The following GALNT14 variants were observed in gnomAD, a reference collection of about 807,000 sequenced individuals.
GALNT14 encodes the protein polypeptide N-acetylgalactosaminyltransferase 14.
In GALNT14, 60 loss-of-function variants were observed where a neutral mutation model predicts 77.5. The observed-to-expected ratio is 0.77, with a 90% CI of 0.63 to 0.96. GALNT14 has a LOEUF of 0.96. Among genes scored for constraint, GALNT14 ranks in the 40% least tolerant of loss-of-function variants. GALNT14 has a pLI of 0.00. For synonymous variants in GALNT14, 280 were observed against 281.7 expected (o/e 0.99, Z 0.06); for missense variants, 710 against 731.0 (o/e 0.97, Z 0.33).
At chr2:30,941,268 G>A (rs1666362850) in intron 9 of GALNT14, among the ~76,000 whole-genome samples, 2 of 152,130 alleles carry the variant, frequency 1.3e-5, no homozygotes, top group South Asian at 2.1e-4. Flanking sequence ...GTTACAGAGG[G>A]CCTCCTACCT....
At position 30,985,959 on chromosome 2, in the gene GALNT14, C is replaced by T. The variant is rs76446625; in HGVS notation, c.299+6879G>A. Among the ~76,000 whole-genome samples the T allele has an allele frequency of 5.1e-3, 771 of 152,200 alleles. 16 individuals are homozygous for T. The East Asian group carries it at 0.063, about 12-fold the overall frequency. ...TTTTTATCCTATTACTGCTAAGTGA[C>T]GAGTACAAGGAGAGAAATGATGATG... On this transcript the variant is annotated intron_variant, in intron 2 of 14. Transcript: ENST00000349752.
At chr2:31,059,332 T>C (rs1418950321) in intron 1 of GALNT14, among the ~76,000 whole-genome samples, 2 of 152,232 alleles carry the variant, frequency 1.3e-5, no homozygotes, top group Non-Finnish European at 2.9e-5. Context: ...CAATGCTTTA[T>C]GTATCCATCC....
intron 8 of GALNT14, 26 bp downstream of exon 8, chr2:30,944,832 C>G (rs1475436000): frequency 6.4e-7 from 1 of 1,562,856 alleles, no homozygotes; most frequent in African/African-American, 1.4e-5. Context: ...GGTCTGCCCA[C>G]CCCTGCACAG....
intron 1 of GALNT14, among the ~76,000 whole-genome samples, chr2:30,997,518 C>T (rs1277026131): frequency 6.6e-6 from 1 of 152,156 alleles, no homozygotes; most frequent in Non-Finnish European, 1.5e-5. Context: ...CCAGGAGCTC[C>T]CAAAGGGCTC....
intron 1 of GALNT14, among the ~76,000 whole-genome samples, chr2:31,001,230 G>A (rs1293304146): frequency 6.6e-6 from 1 of 152,040 alleles, no homozygotes; most frequent in African/African-American, 2.4e-5. Flanking sequence ...GATACTCCCA[G>A]GGGACTCTTC....
At chr2:31,114,893 G>A (rs1678027595) in intron 1 of GALNT14, 3 of 699,348 alleles carry the variant, frequency 4.3e-6, no homozygotes, top group Non-Finnish European at 7.9e-6. Context: ...AACTAACAAA[G>A]AAAAAGTATT....
intron 1 of GALNT14, among the ~76,000 whole-genome samples, chr2:31,036,930 T>TCTTC (rs2148490976): frequency 6.6e-6 from 1 of 152,370 alleles, no homozygotes; most frequent in Non-Finnish European, 1.5e-5. Context: ...TCTGTCTTCA[T>TCTTC]CTTTGACATT....
intron 1 of GALNT14, among the ~76,000 whole-genome samples, chr2:31,058,031 T>C (rs1243657813): frequency 1.3e-5 from 2 of 152,116 alleles, no homozygotes; most frequent in African/African-American, 4.8e-5. Flanking sequence ...AGTAACACTA[T>C]TCCCTGCCCT....
chr2:31,002,807 T>C (rs1167729598), intron 1 of GALNT14, among the ~76,000 whole-genome samples: 1 of 152,118 alleles, frequency 6.6e-6, no homozygotes, highest in Non-Finnish European at 1.5e-5. Context: ...CAGAACAAGT[T>C]CCAGTGAGGA....
chr2:31,047,978 C>T (rs1001929976), intron 1 of GALNT14, among the ~76,000 whole-genome samples: 2 of 152,218 alleles, frequency 1.3e-5, no homozygotes, highest in East Asian at 3.9e-4. Context: ...TCAACAGCAT[C>T]GGCTCGCAGC....
At chr2:31,005,812 T>C (rs1339524485) in intron 1 of GALNT14, among the ~76,000 whole-genome samples, 2 of 152,210 alleles carry the variant, frequency 1.3e-5, no homozygotes, top group African/African-American at 4.8e-5. Flanking sequence ...CACAGTGCCA[T>C]GCAAATGATA....
the GALNT14 span, among the ~76,000 whole-genome samples, chr2:30,903,690 G>A: frequency 6.6e-6 from 1 of 152,178 alleles, no homozygotes; most frequent in African/African-American, 2.4e-5. Flanking sequence ...TGAAGCAGAG[G>A]ATCTCACTAA....
At chr2:30,977,925 G>A (rs1485363475) in intron 2 of GALNT14, among the ~76,000 whole-genome samples, 2 of 151,980 alleles carry the variant, frequency 1.3e-5, no homozygotes, top group African/African-American at 2.4e-5. Context: ...TATTCTTCCC[G>A]CCTGCAGAAG....
chr2:30,961,392 G>A lies in GALNT14; in HGVS notation c.399-2928C>T, dbSNP rs144130758. 1.7e-4 allele frequency among the ~76,000 whole-genome samples: 26 copies of A among 152,280 alleles called. 1 individual carries two copies. In the East Asian group the frequency reaches 5.0e-3, roughly 29 times the overall value. On this transcript the variant is annotated intron_variant, in intron 3 of 14. Transcript: ENST00000349752. ...TCATTCTGGAGTGAGACTAACTTGG[G>A]TTCAAGTACTGTTTCTTTGTATCCA...
intron 1 of GALNT14, among the ~76,000 whole-genome samples, chr2:31,090,258 C>T (rs1409883602): frequency 6.6e-6 from 1 of 152,178 alleles, no homozygotes; most frequent in Non-Finnish European, 1.5e-5. Flanking sequence ...CTCTCACCTT[C>T]TAGCCAAGCT....
intron 1 of GALNT14, among the ~76,000 whole-genome samples, chr2:31,109,228 G>A (rs1449896904): frequency 2.0e-5 from 3 of 152,238 alleles, no homozygotes; most frequent in Non-Finnish European, 4.4e-5. Flanking sequence ...GCAAATGGCA[G>A]AGAAAATAAA....
At chr2:30,972,148 ACT>A (rs1668393649) in intron 2 of GALNT14, among the ~76,000 whole-genome samples, 1 of 152,144 alleles carries the variant, frequency 6.6e-6, no homozygotes, top group African/African-American at 2.4e-5. Flanking sequence ...ATACCCACTA[ACT>A]CTGAAGTGGA....
At chr2:31,104,140 C>T (rs1321951818) in intron 1 of GALNT14, among the ~76,000 whole-genome samples, 1 of 152,110 alleles carries the variant, frequency 6.6e-6, no homozygotes, top group Admixed American at 6.6e-5. Flanking sequence ...GTGACTTGAT[C>T]TCTTTGCCTG....
intron 1 of GALNT14, among the ~76,000 whole-genome samples, chr2:31,060,718 G>A (rs1433359548): frequency 5.3e-5 from 8 of 152,130 alleles, no homozygotes; most frequent in East Asian, 3.9e-4. Context: ...TATCAGTTCC[G>A]GTGCTTGGGG....
Sources: gnomAD v4.1 joint callset for allele counts (sites outside exome capture counted in the v4.1 genomes callset) on GRCh38, gnomAD v4.1.1 for gene constraint, MANE v1.5 for transcripts, NCBI Gene and HGNC (gene_info 2026-07-23, HGNC 2026-07-21) for gene names.